The following VAPB variants were observed in gnomAD, a reference collection of about 807,000 sequenced individuals.
The protein encoded by VAPB is vesicle-associated membrane protein-associated protein B/C.
Under a neutral mutation model 25.6 loss-of-function variants are expected in VAPB, and 7 were observed. The ratio of observed to expected loss-of-function variants is 0.27; its 90% CI spans 0.16 to 0.51. The LOEUF (loss-of-function observed/expected upper bound fraction) is 0.51. VAPB is among the 20% of genes least tolerant of loss of function. The pLI, the probability that VAPB is intolerant of heterozygous loss-of-function variation, is 0.97. For synonymous variants in VAPB, 112 were observed against 109.2 expected, an observed-to-expected ratio of 1.03 and a Z score of -0.16; for missense variants, 266 against 301.3, an observed-to-expected ratio of 0.88 and a Z score of 0.87.
At chr20:58,431,479 C>T (rs959502705) in intron 2 of VAPB, 2 of 152,136 alleles carry the variant, frequency 1.3e-5, no homozygotes, top group East Asian at 1.9e-4. Flanking sequence ...AGGTTTGAGC[C>T]CTGGCACTCT....
At chr20:58,434,822 T>C in intron 3 of VAPB, 117 bp downstream of exon 3, 1 of 667,570 alleles carries the variant, frequency 1.5e-6, no homozygotes, top group Non-Finnish European at 2.7e-6. Flanking sequence ...AAGGGAATAG[T>C]TTTTTTTCAA....
At chr20:58,429,700 C>T (rs558663911) in intron 2 of VAPB, among the ~76,000 whole-genome samples, 13 of 152,258 alleles carry the variant, frequency 8.5e-5, no homozygotes, top group African/African-American at 1.2e-4. Flanking sequence ...AGGTACGTCC[C>T]GAAAACTCAA....
At chr20:58,441,498 T>C (rs1989161671) in intron 5 of VAPB, among the ~76,000 whole-genome samples, 1 of 152,032 alleles carries the variant, frequency 6.6e-6, no homozygotes, top group African/African-American at 2.4e-5. Flanking sequence ...AAAAATTAGT[T>C]GGGTGTGGTG....
rs1989249046 is a variant in VAPB, at chr20:58,444,949, C to G, written c.*714C>G. The G allele has an allele frequency of 2.2e-6, 1 of 454,596 alleles. No individual in the cohort carries two copies. The highest frequency in any genetic ancestry group is 2.3e-5 in the Admixed American group (1 of 42,576). 28.2% of individuals were successfully genotyped at this position (454,596 alleles called of 1,614,324 possible). ...TCAGAGATGTTTAATGCATATTTAA[C>G]TTATTTAATGTATTTCATCTCATGT... is the stretch of plus-strand genomic sequence containing the variant. On this transcript the variant is annotated 3_prime_UTR_variant, in exon 6 of 6. Coordinates refer to ENST00000475243, the MANE Select transcript of VAPB (RefSeq NM_004738.5).
chr20:58,441,045 G>A lies in VAPB; in HGVS notation c.535G>A (p.Glu179Lys), dbSNP rs1989149258. 1.9e-6 allele frequency: 3 copies of A among 1,614,004 alleles called. No homozygotes were observed. The highest frequency in any genetic ancestry group is 1.7e-6 in the Non-Finnish European group (2 of 1,180,014). ...GGAAGAATGTAAGAGGCTGCAAGGT[G>A]AAGTTCAGAGGCTACGGGAGGAGAA... ...VMEECKRLQG[E>K]VQRLREENKQ... Residue 179 changes from glutamate to lysine, a missense_variant, in exon 5 of 6, where the codon GAA becomes AAA. Physicochemically the swap from Glu to Lys is moderately conservative, Grantham distance 56 (BLOSUM62 1). This residue lies in a region of VAPB where 136 missense variants were observed against 130.7 expected (regional missense o/e 1.04). Coordinates refer to ENST00000475243, the MANE Select transcript of VAPB (RefSeq NM_004738.5).
chr20:58,439,112 T>A, intron 4 of VAPB, 87 bp downstream of exon 4: 15 of 1,293,064 alleles, frequency 1.2e-5, no homozygotes, highest in Non-Finnish European at 1.7e-5. Flanking sequence ...AGATTTAAGT[T>A]GGCAAATTAT....
chr20:58,398,718 G>A (rs763896709), intron 1 of VAPB, among the ~76,000 whole-genome samples: 1 of 152,120 alleles, frequency 6.6e-6, no homozygotes, highest in Non-Finnish European at 1.5e-5. Context: ...TTTTCTAAGC[G>A]TTCATTTATT....
chr20:58,389,242 T>C lies in VAPB; in HGVS notation c.-218T>C. The C allele has an allele frequency of 1.5e-6, 1 of 653,294 alleles. No individual in the cohort carries two copies. 40.5% of individuals were successfully genotyped at this position (653,294 alleles called of 1,614,324 possible). On this transcript the variant is annotated 5_prime_UTR_variant, in exon 1 of 6. Transcript: ENST00000475243. ...GCGTGCGTGCGTGCGTGCCGTCAGC[T>C]CGCCGGGCACCGCGGCCTCGCCCTC...
intron 1 of VAPB, among the ~76,000 whole-genome samples, chr20:58,409,934 C>CACACACACAA (rs1555811896): frequency 1.3e-5 from 2 of 148,456 alleles, no homozygotes; most frequent in South Asian, 2.1e-4. Context: ...CACACACACA[C>CACACACACAA]AATACAGATA....
At chr20:58,396,757 G>C (rs1401022499) in intron 1 of VAPB, among the ~76,000 whole-genome samples, 1 of 152,246 alleles carries the variant, frequency 6.6e-6, no homozygotes, top group Non-Finnish European at 1.5e-5. Context: ...ATTTCTAGAG[G>C]ATAAATGCTT....
At chr20:58,441,221 G>GAAA in intron 5 of VAPB, 138 bp downstream of exon 5, 2 of 937,462 alleles carry the variant, frequency 2.1e-6, no homozygotes, top group Non-Finnish European at 3.3e-6. Flanking sequence ...TCCCCAGGGA[G>GAAA]AAATTTCCAT....
At chr20:58,403,702 A>G (rs1172609541) in intron 1 of VAPB, among the ~76,000 whole-genome samples, 1 of 152,182 alleles carries the variant, frequency 6.6e-6, no homozygotes, top group Non-Finnish European at 1.5e-5. Flanking sequence ...TTCATCTTCC[A>G]CTTCTGCACA....
At position 58,419,200 on chromosome 20, in the gene VAPB, C is replaced by G. The variant is rs551946719; in HGVS notation, c.211+837C>G. ...GCTACTGCTCATTTGAAATGAGTAT[C>G]TCTCTGGCTTTTTCCATGATAGATT... is the stretch of plus-strand genomic sequence containing the variant. On this transcript the variant is annotated intron_variant, in intron 2 of 5. Coordinates refer to ENST00000475243, the MANE Select transcript of VAPB (RefSeq NM_004738.5). 6.6e-5 allele frequency among the ~76,000 whole-genome samples: 10 copies of G among 152,300 alleles called. No homozygotes were observed. The South Asian group carries it at 1.9e-3, about 28-fold the overall frequency.
At position 58,451,008 on chromosome 20, in the gene VAPB, A is replaced by G. The variant is rs1160819379; in HGVS notation, c.*6773A>G. The G allele has an allele frequency of 2.2e-6, 1 of 452,326 alleles. No homozygotes were observed. The allele number at this position is 452,326 out of a possible 1,614,324, so 28.0% of individuals were successfully genotyped here. ...GCATGTTCTCCCATGTTCCATTATC[A>G]GCCTGATGAAACCTGCCCTGCCAAG... is the stretch of plus-strand genomic sequence containing the variant. On this transcript the variant is annotated 3_prime_UTR_variant, in exon 6 of 6. Coordinates refer to ENST00000475243, the MANE Select transcript of VAPB (RefSeq NM_004738.5).
chr20:58,424,073 C>G (rs1051825561), intron 2 of VAPB, among the ~76,000 whole-genome samples: 1 of 152,174 alleles, frequency 6.6e-6, no homozygotes, highest in African/African-American at 2.4e-5. Context: ...AGAGGACTTA[C>G]ACATTTTGTC....
intron 1 of VAPB, among the ~76,000 whole-genome samples, chr20:58,396,102 A>G (rs903403614): frequency 4.6e-5 from 7 of 151,846 alleles, no homozygotes; most frequent in Non-Finnish European, 8.8e-5. Context: ...CCGTGAGAAA[A>G]CCTTGGAATA....
At chr20:58,427,919 G>A (rs1219015692) in intron 2 of VAPB, among the ~76,000 whole-genome samples, 1 of 141,034 alleles carries the variant, frequency 7.1e-6, no homozygotes, top group Non-Finnish European at 1.5e-5. Flanking sequence ...TATGATGCAG[G>A]GGAAAGTGAT....
At position 58,449,020 on chromosome 20, in the gene VAPB, T is replaced by G; in HGVS notation, c.*4785T>G. 2.2e-6 allele frequency: 1 copy of G among 454,112 alleles called. No individual in the cohort carries two copies. Among genetic ancestry groups the G allele is most frequent in the Non-Finnish European group, 4.4e-6 (1 of 226,786 alleles). 28.1% of individuals were successfully genotyped at this position (454,112 alleles called of 1,614,324 possible). On this transcript the variant is annotated 3_prime_UTR_variant, in exon 6 of 6. Transcript: ENST00000475243. ...TTTGAAAACAGCTGAGCTGCTGATG[T>G]CTCAGGCCTTTCCCTGAATTAGCAC...
At position 58,389,338 on chromosome 20, in the gene VAPB, C is replaced by A; in HGVS notation, c.-122C>A. 3 of 1,164,628 alleles carry A rather than the reference C, an allele frequency of 2.6e-6. No individual in the cohort carries two copies. Among genetic ancestry groups the A allele is most frequent in the African/African-American group, 1.6e-5 (1 of 63,550 alleles). 72.1% of individuals were successfully genotyped at this position (1,164,628 alleles called of 1,614,324 possible). On this transcript the variant is annotated 5_prime_UTR_variant, in exon 1 of 6. Transcript: ENST00000475243. Reference sequence around the variant, plus strand: ...GCGCGCCCACCCGGTAGAGGACCCCCGCCCGTGCCCCGACCGGTCCCCGCC... The same window carrying A: ...GCGCGCCCACCCGGTAGAGGACCCCAGCCCGTGCCCCGACCGGTCCCCGCC...
Sources: allele counts gnomAD v4.1 joint callset (sites outside exome capture counted in the v4.1 genomes callset), GRCh38; gene constraint gnomAD v4.1.1; regional missense constraint gnomAD v4.1.1; transcripts MANE v1.5; gene names NCBI Gene and HGNC (gene_info 2026-07-23, HGNC 2026-07-21).